The following GABBR2 variants were observed in gnomAD, a reference collection of about 807,000 sequenced individuals.
The protein encoded by GABBR2 is gamma-aminobutyric acid type B receptor subunit 2.
Under a neutral mutation model 105.6 loss-of-function variants are expected in GABBR2, and 23 were observed. The observed-to-expected ratio is 0.22, with a 90% CI of 0.16 to 0.31. The LOEUF (loss-of-function observed/expected upper bound fraction) is 0.31, where lower values mean the gene tolerates loss of function less well. Ranked by LOEUF, GABBR2 falls within the 10% of genes least tolerant of loss-of-function variation. The pLI, the probability that GABBR2 is intolerant of heterozygous loss-of-function variation, is 1.00. For synonymous variants in GABBR2, 478 were observed against 499.7 expected (o/e 0.96, Z 0.58); for missense variants, 734 against 1,245.5 (o/e 0.59, Z 6.18).
At chr9:98,482,435 TA>T in intron 4 of GABBR2, among the ~76,000 whole-genome samples, 1 of 152,334 alleles carries the variant, frequency 6.6e-6, no homozygotes, top group African/African-American at 2.4e-5. Flanking sequence ...TGCAATGCTA[TA>T]AAAAGTTCTA....
intron 7 of GABBR2, among the ~76,000 whole-genome samples, chr9:98,448,100 G>A (rs1826168315): frequency 6.6e-6 from 1 of 152,014 alleles, no homozygotes; most frequent in South Asian, 2.1e-4. Context: ...AGGATGTCCA[G>A]ACCCGCTGCT....
intron 1 of GABBR2, among the ~76,000 whole-genome samples, chr9:98,675,987 A>T (rs1413636484): frequency 3.3e-5 from 5 of 152,212 alleles, no homozygotes; most frequent in African/African-American, 1.2e-4. Context: ...ACACCCCCCC[A>T]AATATATCCA....
At chr9:98,596,916 C>T in intron 1 of GABBR2, among the ~76,000 whole-genome samples, 1 of 152,160 alleles carries the variant, frequency 6.6e-6, no homozygotes, top group East Asian at 1.9e-4. Context: ...TCCCCAAAGC[C>T]TGCAAGCCTT....
chr9:98,310,267 A>G (rs1044397529), intron 14 of GABBR2, among the ~76,000 whole-genome samples: 1 of 151,446 alleles, frequency 6.6e-6, no homozygotes, highest in Non-Finnish European at 1.5e-5. Flanking sequence ...TTTTTTTTTG[A>G]GACGGAGTTT....
intron 1 of GABBR2, among the ~76,000 whole-genome samples, chr9:98,654,778 T>C (rs906028248): frequency 1.2e-4 from 19 of 152,204 alleles, no homozygotes; most frequent in African/African-American, 4.3e-4. Flanking sequence ...AACTTATGTC[T>C]ACACAAAAAC....
At chr9:98,617,962 G>A (rs1829612238) in intron 1 of GABBR2, among the ~76,000 whole-genome samples, 1 of 152,136 alleles carries the variant, frequency 6.6e-6, no homozygotes, top group South Asian at 2.1e-4. Context: ...ATTAAAATGG[G>A]ATGACATCTA....
At chr9:98,521,332 A>G (rs1480050657) in intron 3 of GABBR2, among the ~76,000 whole-genome samples, 1 of 152,122 alleles carries the variant, frequency 6.6e-6, no homozygotes, top group African/African-American at 2.4e-5. Context: ...GGGAGGGTGG[A>G]TGTGCTGACG....
chr9:98,330,055 T>A (rs1564019581), intron 13 of GABBR2, among the ~76,000 whole-genome samples: 1 of 152,128 alleles, frequency 6.6e-6, no homozygotes, highest in Non-Finnish European at 1.5e-5. Flanking sequence ...CTCATCACAT[T>A]CTCCACTGCT....
chr9:98,440,058 G>C (rs1460254392), intron 7 of GABBR2, among the ~76,000 whole-genome samples: 1 of 152,146 alleles, frequency 6.6e-6, no homozygotes, highest in Non-Finnish European at 1.5e-5. Flanking sequence ...TCCACCATGA[G>C]GAACTGCCTT....
At chr9:98,689,132 A>T (rs533257427) in intron 1 of GABBR2, among the ~76,000 whole-genome samples, 2 of 152,328 alleles carry the variant, frequency 1.3e-5, no homozygotes, top group African/African-American at 4.8e-5. Flanking sequence ...CATGTGTAAA[A>T]TAGAGATAAT....
In GABBR2 at chr9:98,388,659, G is replaced by A. The variant is rs1008129106; in HGVS notation, c.1529+195C>T. 6.8e-6 allele frequency among the ~76,000 whole-genome samples: 1 copy of A among 146,944 alleles called. No individual in the cohort carries two copies. The highest frequency in any genetic ancestry group is 2.6e-5 in the African/African-American group (1 of 38,674). The stretch of plus-strand genomic sequence containing the variant: ...TGTGTGTGTGTGTGTGTGTGTGTGT[G>A]TGCGTGCACGCACACACACGTACTC... On this transcript the variant is annotated intron_variant, in intron 10 of 18. Coordinates refer to ENST00000259455, the MANE Select transcript of GABBR2 (RefSeq NM_005458.8). The surrounding 1 kb of genome is among the most constrained non-coding windows in gnomAD (Gnocchi z 4.4).
In GABBR2 at chr9:98,492,349, T is replaced by TAAAAAA. The variant is rs574771107; in HGVS notation, c.732+4058_732+4063dup. Among the ~76,000 whole-genome samples the TAAAAAA allele has an allele frequency of 2.2e-3, 64 of 29,222 alleles. 7 individuals carry two copies. The highest frequency in any genetic ancestry group is 3.2e-3 in the Non-Finnish European group (37 of 11,656). 19.2% of individuals were successfully genotyped at this position (29,222 alleles called of 152,430 possible). ...GAGCCCGCTTAAGTTTGTTTCCTAG[T>TAAAAAA]AAAAAAAAAAAAAAAAAAAAAAAAA... On this transcript the variant is annotated intron_variant, in intron 4 of 18. Coordinates refer to ENST00000259455, the MANE Select transcript of GABBR2 (RefSeq NM_005458.8).
intron 2 of GABBR2, among the ~76,000 whole-genome samples, chr9:98,559,975 A>AACACAC (rs3029105): frequency 4.0e-5 from 6 of 150,264 alleles, no homozygotes; most frequent in African/African-American, 7.3e-5. Context: ...ATGAGGAACA[A>AACACAC]ACACACACAC....
intron 13 of GABBR2, among the ~76,000 whole-genome samples, chr9:98,340,165 G>A (rs1831185803): frequency 6.7e-6 from 1 of 148,268 alleles, no homozygotes; most frequent in South Asian, 2.2e-4. Context: ...AACATTTATT[G>A]CTTTAATCCA....
At chr9:98,655,499 T>G (rs576478427) in intron 1 of GABBR2, among the ~76,000 whole-genome samples, 3 of 152,276 alleles carry the variant, frequency 2.0e-5, no homozygotes, top group African/African-American at 7.2e-5. Context: ...TGTGGGACCT[T>G]AAGAGTGATG....
intron 1 of GABBR2, among the ~76,000 whole-genome samples, chr9:98,591,197 G>A (rs778643870): frequency 7.2e-5 from 11 of 152,188 alleles, no homozygotes; most frequent in Non-Finnish European, 1.3e-4. Context: ...TGAGCCTTGC[G>A]AGAGGAACAA....
intron 12 of GABBR2, among the ~76,000 whole-genome samples, chr9:98,366,219 G>C (rs1376997830): frequency 6.6e-6 from 1 of 152,064 alleles, no homozygotes; most frequent in African/African-American, 2.4e-5. Context: ...AACAGATCCA[G>C]CGATTTTTAC....
chr9:98,475,482 C>G (rs1826773065), intron 5 of GABBR2, among the ~76,000 whole-genome samples: 1 of 152,182 alleles, frequency 6.6e-6, no homozygotes, highest in South Asian at 2.1e-4. Context: ...CTTCACAACT[C>G]TCATCTTTTA....
At chr9:98,307,451 T>TTC (rs150562443) in intron 14 of GABBR2, among the ~76,000 whole-genome samples, 2,595 of 152,254 alleles carry the variant, frequency 0.017, 74 homozygotes, top group African/African-American at 0.059. Flanking sequence ...CCAAGAGGCC[T>TTC]TCTCTCTCAC....
Sources: allele counts gnomAD v4.1 joint callset (sites outside exome capture counted in the v4.1 genomes callset), GRCh38; gene constraint gnomAD v4.1.1; non-coding constraint Gnocchi (gnomAD v3.1); transcripts MANE v1.5; gene names NCBI Gene and HGNC (gene_info 2026-07-23, HGNC 2026-07-21).